The following CDCA5 variants were observed in gnomAD, a reference collection of about 807,000 sequenced individuals.
CDCA5 encodes cell division cycle associated 5.
In CDCA5, 14 loss-of-function variants were observed where a neutral mutation model predicts 25.7. That is an observed-to-expected ratio of 0.54 (90% CI 0.36 to 0.85). The LOEUF is 0.85. Among genes scored for constraint, CDCA5 ranks in the 40% least tolerant of loss-of-function variants. The pLI is 0.01. For missense variants in CDCA5, 307 were observed against 324.5 expected, an observed-to-expected ratio of 0.95 and a Z score of 0.41; for synonymous variants, 127 against 128.7, an observed-to-expected ratio of 0.99 and a Z score of 0.09.
chr11:65,073,818 G>A (rs1277743724), downstream of CDCA5, among the ~76,000 whole-genome samples: 1 of 152,218 alleles, frequency 6.6e-6, no homozygotes, highest in Non-Finnish European at 1.5e-5. Flanking sequence ...GCCAGAACTA[G>A]GACAGGGGAG....
intron 4 of CDCA5, chr11:65,066,885 G>C (rs1258607840): frequency 7.8e-7 from 1 of 1,289,272 alleles, no homozygotes; most frequent in African/African-American, 1.5e-5. Context: ...GAAGCCTAGG[G>C]TTGAAAAACA....
In CDCA5 at chr11:65,078,487, A is replaced by G; in HGVS notation, c.*620T>C. Reference sequence around the variant, plus strand: ...GTACACACTTATGGTCTGAGACCCAACTAAGGCTCCCTACATCCTTCAAAA... The same window carrying G: ...GTACACACTTATGGTCTGAGACCCAGCTAAGGCTCCCTACATCCTTCAAAA... On this transcript the variant is annotated 3_prime_UTR_variant, in exon 6 of 6. Transcript: ENST00000275517. 3 of 985,544 alleles carry G rather than the reference A, an allele frequency of 3.0e-6. No individual in the cohort carries two copies. The highest frequency in any genetic ancestry group is 3.6e-6 in the Non-Finnish European group (3 of 829,972). The allele number at this position is 985,544 out of a possible 1,614,324, so 61.0% of individuals were successfully genotyped here.
Position 65,077,728 on chromosome 11 carries a change from G to C in CDCA5, c.*1379C>G, listed in dbSNP as rs1947474407. 11 of 985,610 alleles carry C rather than the reference G, an allele frequency of 1.1e-5. No homozygotes were observed. Among genetic ancestry groups the C allele is most frequent in the Non-Finnish European group, 1.3e-5 (11 of 830,048 alleles). 61.1% of individuals were successfully genotyped at this position (985,610 alleles called of 1,614,324 possible). On this transcript the variant is annotated 3_prime_UTR_variant, in exon 6 of 6. Coordinates refer to ENST00000275517, the MANE Select transcript of CDCA5 (RefSeq NM_080668.4). ...GCTTGCAGGTCTGACAAACCACAGA[G>C]CGTTGAGCAGATGGCCTGGGACTCC...
At chr11:65,082,936 A>G (rs895655209) in intron 4 of CDCA5, among the ~76,000 whole-genome samples, 2 of 152,060 alleles carry the variant, frequency 1.3e-5, no homozygotes, top group African/African-American at 4.8e-5. Context: ...TCTAAGCCCT[A>G]TCAGCTCTTC....
Position 65,079,559 on chromosome 11 carries a change from A to C in CDCA5, c.472T>G (p.Ser158Ala), listed in dbSNP as rs1158272586. 1.2e-6 allele frequency: 2 copies of C among 1,613,866 alleles called. No homozygotes were observed. The highest frequency in any genetic ancestry group is 2.7e-5 in the African/African-American group (2 of 74,864). The change falls in exon 5 of 6, where the codon TCC becomes GCC. Residue 158 changes from serine (S) to alanine (A), a missense_variant. By Grantham distance (99) the Ser-to-Ala change is moderately conservative. Coordinates refer to ENST00000275517, the MANE Select transcript of CDCA5 (RefSeq NM_080668.4). Reference protein sequence around the residue: ...RLETLGSASTSTPGRRSCFGF... With the variant: ...RLETLGSASTATPGRRSCFGF... Reference sequence around the variant, plus strand: ...AAGCAGGACCGGCGGCCTGGGGTGGAGGTAGAGGCAGAGCCCAGGGTCTCC... The same window carrying C: ...AAGCAGGACCGGCGGCCTGGGGTGGCGGTAGAGGCAGAGCCCAGGGTCTCC...
At chr11:65,077,104 T>G (rs1431487498), downstream of CDCA5, among the ~76,000 whole-genome samples, 1 of 152,104 alleles carries the variant, frequency 6.6e-6, no homozygotes, top group East Asian at 1.9e-4. Flanking sequence ...CTGGCCAACA[T>G]GGTGAAACCT....
intron 1 of CDCA5, among the ~76,000 whole-genome samples, chr11:65,071,740 T>A (rs1274017053): frequency 6.6e-6 from 1 of 152,178 alleles, no homozygotes; most frequent in Non-Finnish European, 1.5e-5. Flanking sequence ...CATGAAAAGC[T>A]CCACGGTTAC....
At position 65,079,866 on chromosome 11, in the gene CDCA5, G is replaced by A. The variant is rs1040300520; in HGVS notation, c.244-79C>T. ...TCCAGAAAAGCCCGAGAAGATTCAG[G>A]GTGGAAAGACCCACAGGACACACAC... On this transcript the variant is annotated intron_variant, in intron 4 of 5. Coordinates refer to ENST00000275517, the MANE Select transcript of CDCA5 (RefSeq NM_080668.4). The A allele has an allele frequency of 5.9e-6, 7 of 1,185,098 alleles. No individual in the cohort carries two copies. In the African/African-American group the frequency reaches 7.8e-5, roughly 13 times the overall value. 73.4% of individuals were successfully genotyped at this position (1,185,098 alleles called of 1,614,324 possible). A position where few individuals can be genotyped will look rare whatever the true frequency, so the allele number is the denominator to read the frequency against.
rs1211325101 is a variant in CDCA5, at chr11:65,068,510, G to T, written c.155C>A (p.Ala52Asp). The T allele has an allele frequency of 7.8e-6, 10 of 1,289,242 alleles. No individual in the cohort carries two copies. The Admixed American group carries it at 2.3e-4, about 30-fold the overall frequency. The allele number at this position is 1,289,242 out of a possible 1,614,324, so 79.9% of individuals were successfully genotyped here. The change falls in exon 2 of 7, where the codon GCT becomes GAT. Residue 52 changes from alanine (A) to aspartate (D), a missense_variant. By Grantham distance (126) the Ala-to-Asp change is moderately radical. Transcript: ENST00000525464. ...CACCTCCAAGTTCCGCTCCTCGGAA[G>T]CCTGAGGGCCCTTGGGTTCTTGCTC...
Position 65,078,382 on chromosome 11 carries a change from A to C in CDCA5, c.*725T>G. ...ACCCTGAAATGCACCCTTTGCTCCA[A>C]GCAGCCAGCGCCCTATCAACCTGGC... On this transcript the variant is annotated 3_prime_UTR_variant, in exon 6 of 6. Coordinates refer to ENST00000275517, the MANE Select transcript of CDCA5 (RefSeq NM_080668.4). 1 of 985,894 alleles carries C rather than the reference A, an allele frequency of 1.0e-6. No individual in the cohort carries two copies. Among genetic ancestry groups the C allele is most frequent in the Non-Finnish European group, 1.2e-6 (1 of 830,180 alleles). The allele number at this position is 985,894 out of a possible 1,614,324, so 61.1% of individuals were successfully genotyped here. A position where few individuals can be genotyped will look rare whatever the true frequency, so the allele number is the denominator to read the frequency against.
At chr11:65,067,627 C>T in intron 4 of CDCA5, 6 of 1,272,224 alleles carry the variant, frequency 4.7e-6, no homozygotes, top group Non-Finnish European at 6.2e-6. Flanking sequence ...TGTCACCCTA[C>T]CCGCTCCCAT....
intron 1 of CDCA5, among the ~76,000 whole-genome samples, chr11:65,069,653 G>A (rs1313466895): frequency 6.6e-6 from 1 of 152,136 alleles, no homozygotes; most frequent in Non-Finnish European, 1.5e-5. Flanking sequence ...TTTGGAAACG[G>A]CTTAAAGAAA....
chr11:65,071,907 G>A (rs1947350557), intron 1 of CDCA5, among the ~76,000 whole-genome samples: 1 of 152,140 alleles, frequency 6.6e-6, no homozygotes, highest in Non-Finnish European at 1.5e-5. Context: ...GCTCATAGGT[G>A]GGGCAGCTGC....
intron 1 of CDCA5, 69 bp from the exon 2 acceptor site, chr11:65,083,792 G>A: frequency 6.3e-7 from 1 of 1,576,758 alleles, no homozygotes. Flanking sequence ...ACAGGTTCTA[G>A]AGACAGCGAG....
At position 65,083,392 on chromosome 11, in the gene CDCA5, G is replaced by C. The variant is rs763682096; in HGVS notation, c.215C>G (p.Ala72Gly). 7 of 1,614,112 alleles carry C rather than the reference G, an allele frequency of 4.3e-6. No individual in the cohort carries two copies. The highest frequency in any genetic ancestry group is 5.9e-6 in the Non-Finnish European group (7 of 1,180,056). Residue 72 changes from alanine (A) to glycine (G), a missense_variant, in exon 4 of 6, where the codon GCT (alanine) becomes GGT (glycine). Ala to Gly is a moderately conservative substitution (Grantham distance 60, BLOSUM62 0). Coordinates refer to ENST00000275517, the MANE Select transcript of CDCA5 (RefSeq NM_080668.4). ...AGGGCTCCTGCGAGGTGATTGGACA[G>C]CTGGGACCTGCGGGGGACAATACCA... ...RIVAHAVEVP[A>G]VQSPRRSPRI...
At chr11:65,066,099 A>G (rs561552869), downstream of CDCA5, among the ~76,000 whole-genome samples, 136 of 152,100 alleles carry the variant, frequency 8.9e-4, no homozygotes, top group African/African-American at 3.1e-3. Context: ...CTCCAGGCTG[A>G]CAACAACCAG....
chr11:65,078,104 C>A lies in CDCA5; in HGVS notation c.*1003G>T, dbSNP rs947464025. 7.1e-6 allele frequency: 7 copies of A among 985,464 alleles called. No individual in the cohort carries two copies. In the Admixed American group the frequency reaches 3.7e-4, roughly 52 times the overall value. 61.0% of individuals were successfully genotyped at this position (985,464 alleles called of 1,614,324 possible). A position where few individuals can be genotyped will look rare whatever the true frequency, so the allele number is the denominator to read the frequency against. On this transcript the variant is annotated 3_prime_UTR_variant, in exon 6 of 6. Coordinates refer to ENST00000275517, the MANE Select transcript of CDCA5 (RefSeq NM_080668.4). Reference sequence around the variant, plus strand: ...AATTGCTATCAGCCCCCGCCGCTGTCTGGTACGCGAGGAAACTTTCCGAGG... The same window carrying A: ...AATTGCTATCAGCCCCCGCCGCTGTATGGTACGCGAGGAAACTTTCCGAGG...
Position 65,078,051 on chromosome 11 carries a change from G to C in CDCA5, c.*1056C>G. On this transcript the variant is annotated 3_prime_UTR_variant, in exon 6 of 6. Transcript: ENST00000275517. Reference sequence around the variant, plus strand: ...AGATGCATCCAGGCAGTGTTCTCATGTGAGAGGATAGGGAGGCCAAAAACT... The same window carrying C: ...AGATGCATCCAGGCAGTGTTCTCATCTGAGAGGATAGGGAGGCCAAAAACT... The C allele has an allele frequency of 2.0e-6, 2 of 985,428 alleles. No homozygotes were observed. The highest frequency in any genetic ancestry group is 9.4e-5 in the South Asian group (2 of 21,284). The allele number at this position is 985,428 out of a possible 1,614,324, so 61.0% of individuals were successfully genotyped here.
downstream of CDCA5, among the ~76,000 whole-genome samples, chr11:65,076,059 C>T (rs1947438621): frequency 1.3e-5 from 2 of 152,290 alleles, no homozygotes; most frequent in South Asian, 2.1e-4. Flanking sequence ...CAACTTGGAA[C>T]GTTCCTTCAA....
Sources: gnomAD v4.1 joint callset for allele counts (sites outside exome capture counted in the v4.1 genomes callset) on GRCh38, gnomAD v4.1.1 for gene constraint, MANE v1.5 for transcripts, NCBI Gene and HGNC (gene_info 2026-07-23, HGNC 2026-07-21) for gene names.